Variants in RNF19A observed in about 807,000 individuals in gnomAD.
RNF19A encodes the protein ring finger protein 19A, RBR E3 ubiquitin protein ligase.
RNF19A carries 32 observed loss-of-function variants against 75.7 expected under a neutral mutation model. The observed-to-expected ratio is 0.42, with a 90% CI of 0.32 to 0.57. RNF19A has a LOEUF of 0.57. Among genes scored for constraint, RNF19A ranks in the 20% least tolerant of loss-of-function variants. The probability of loss-of-function intolerance (pLI) is 0.10; values close to 1 mark genes in which losing one functional copy is unlikely to be tolerated. For missense variants in RNF19A, 782 were observed against 1,036.3 expected (o/e 0.75, Z 3.37); for synonymous variants, 335 against 345.2 (o/e 0.97, Z 0.33).
intron 1 of RNF19A, among the ~76,000 whole-genome samples, chr8:100,289,414 A>T (rs183673710): frequency 1.6e-4 from 24 of 152,370 alleles, no homozygotes; most frequent in Admixed American, 1.1e-3. Flanking sequence ...GACTTTTGCC[A>T]CATATAACTA....
In RNF19A at chr8:100,333,404, G is replaced by A. The variant is rs557890054; in HGVS notation, c.-243+2704C>T. ...ATCACAGTGCATCTATACCAAGGAAGTTCACATAGCTACAAAAACAAAGCT... is the reference window on the plus strand; with the variant it reads ...ATCACAGTGCATCTATACCAAGGAAATTCACATAGCTACAAAAACAAAGCT... On this transcript the variant is annotated intron_variant, in intron 1 of 3. Transcript: ENST00000519527. This position sits in a 1 kb window ranked among gnomAD's most constrained non-coding sequence, Gnocchi z 4.7. Among the ~76,000 whole-genome samples the A allele has an allele frequency of 8.7e-4, 133 of 152,306 alleles. No individual in the cohort carries two copies. Among genetic ancestry groups the A allele is most frequent in the African/African-American group, 3.2e-3 (131 of 41,564 alleles).
chr8:100,317,154 G>T lies in RNF19A; in HGVS notation c.-242-3782C>A, dbSNP rs960943173. On this transcript the variant is annotated intron_variant, in intron 1 of 3. Transcript: ENST00000519527. The surrounding 1 kb of genome is among the most constrained non-coding windows in gnomAD (Gnocchi z 4.3). ...CGCACGCAGCCCAGCCCGGGTTCCCGCTCGCGCCTCTCCCTCCGCACCTCC... is the reference window on the plus strand; with the variant it reads ...CGCACGCAGCCCAGCCCGGGTTCCCTCTCGCGCCTCTCCCTCCGCACCTCC... 1.3e-5 allele frequency among the ~76,000 whole-genome samples: 2 copies of T among 152,174 alleles called. No individual in the cohort carries two copies. The highest frequency in any genetic ancestry group is 2.9e-5 in the Non-Finnish European group (2 of 68,026).
upstream of RNF19A, chr8:100,310,306 G>T: frequency 1.1e-6 from 1 of 948,252 alleles, no homozygotes; most frequent in Non-Finnish European, 1.3e-6. Context: ...GCTGCACCCG[G>T]GTGGCCCCGA....
rs534410625 is a variant in RNF19A at position 100,315,370 on chromosome 8, G to T, written c.-242-1998C>A. 3.7e-4 allele frequency among the ~76,000 whole-genome samples: 56 copies of T among 152,272 alleles called. No individual in the cohort carries two copies. In the South Asian group the frequency reaches 0.012, roughly 32 times the overall value. ...TGCTTCAGGACATCAAAGGCAAGAAGCTTGGCCTTATGTTTGTTTCACTGG... is the reference window on the plus strand; with the variant it reads ...TGCTTCAGGACATCAAAGGCAAGAATCTTGGCCTTATGTTTGTTTCACTGG... On this transcript the variant is annotated intron_variant, in intron 1 of 3. Coordinates refer to the RNF19A transcript ENST00000519527.
chr8:100,328,478 CTTTTTTT>C (rs763012920), intron 1 of RNF19A, among the ~76,000 whole-genome samples: 3 of 145,636 alleles, frequency 2.1e-5, no homozygotes, highest in Admixed American at 1.4e-4. Flanking sequence ...TGTTTGTTTG[CTTTTTTT>C]TTTTGAGACA....
intron 1 of RNF19A, among the ~76,000 whole-genome samples, chr8:100,297,263 T>G (rs975036523): frequency 6.6e-6 from 1 of 152,218 alleles, no homozygotes; most frequent in African/African-American, 2.4e-5. Context: ...TTTCAATTAC[T>G]TCAATGTGTC....
At chr8:100,274,749 A>G (rs1489101949) in intron 3 of RNF19A, among the ~76,000 whole-genome samples, 1 of 152,154 alleles carries the variant, frequency 6.6e-6, no homozygotes, top group Non-Finnish European at 1.5e-5. Flanking sequence ...TCATCACAAC[A>G]CTTCCTTTTT....
chr8:100,302,389 G>T (rs376994568), intron 1 of RNF19A, among the ~76,000 whole-genome samples: 1 of 152,132 alleles, frequency 6.6e-6, no homozygotes, highest in Non-Finnish European at 1.5e-5. Flanking sequence ...TAATCAGAAG[G>T]CTGAAACTGC....
chr8:100,295,341 A>G (rs934601368), intron 1 of RNF19A, among the ~76,000 whole-genome samples: 1 of 152,196 alleles, frequency 6.6e-6, no homozygotes, highest in Admixed American at 6.5e-5. Flanking sequence ...CGTAGTTACA[A>G]TGGTTTTCTA....
In RNF19A at chr8:100,259,685, A is replaced by C. The variant is rs903977539; in HGVS notation, c.1826+169T>G. On this transcript the variant is annotated intron_variant, in intron 9 of 9. Transcript: ENST00000341084. The surrounding 1 kb of genome is among the most constrained non-coding windows in gnomAD (Gnocchi z 4.5). ...CTTTCCCAGCCCTTGACAACCACAA[A>C]TCCACTTTATGATCTATACAGATTT... Among the ~76,000 whole-genome samples the C allele has an allele frequency of 6.6e-6, 1 of 152,158 alleles. No homozygotes were observed. The highest frequency in any genetic ancestry group is 1.5e-5 in the Non-Finnish European group (1 of 68,028).
chr8:100,275,168 A>G lies in RNF19A; in HGVS notation c.675-7T>C. 2 of 1,611,998 alleles carry G rather than the reference A, an allele frequency of 1.2e-6. No homozygotes were observed. Among genetic ancestry groups the G allele is most frequent in the South Asian group, 2.2e-5 (2 of 90,892 alleles). On this transcript the variant is annotated splice_region_variant and splice_polypyrimidine_tract_variant and intron_variant, in intron 2 of 9. Coordinates refer to ENST00000341084, the MANE Select transcript of RNF19A (RefSeq NM_183419.4). The surrounding 1 kb of genome is among the most constrained non-coding windows in gnomAD (Gnocchi z 4.3). ...AAATGCTATCACAGCATATCTTGAA[A>G]GAACAAGAAAAATGATTTAAAATGT...
At chr8:100,319,839 C>CTT (rs1208148347) in intron 1 of RNF19A, among the ~76,000 whole-genome samples, 2 of 134,192 alleles carry the variant, frequency 1.5e-5, no homozygotes, top group South Asian at 2.4e-4. Flanking sequence ...CTTTTTTTTT[C>CTT]TTTTTTTTTT....
chr8:100,259,921 C>T lies in RNF19A; in HGVS notation c.1759G>A (p.Val587Ile), dbSNP rs144998225. ...GCTTTGGTGCTGGCATTATCACTAA[C>T]TGTTCCCAAGCTGACTGTGCCAGAT... ...GESGTVSLGTVSDNASTKAMA... is the reference protein window; with the variant it reads ...GESGTVSLGTISDNASTKAMA... Residue 587 changes from valine (V) to isoleucine (I), a missense_variant, in exon 9 of 10, where the codon GTT becomes ATT. Around this residue, in one of 7 missense-constraint regions of RNF19A, gnomAD observed 442 missense variants for 541.6 expected, o/e 0.82. Coordinates refer to ENST00000341084, the MANE Select transcript of RNF19A (RefSeq NM_183419.4). The surrounding 1 kb of genome is among the most constrained non-coding windows in gnomAD (Gnocchi z 4.5). The T allele has an allele frequency of 6.2e-7, 1 of 1,613,836 alleles. No homozygotes were observed. The highest frequency in any genetic ancestry group is 8.5e-7 in the Non-Finnish European group (1 of 1,179,850).
intron 1 of RNF19A, among the ~76,000 whole-genome samples, chr8:100,292,489 CTATA>C (rs1302104724): frequency 3.3e-5 from 5 of 150,084 alleles, no homozygotes; most frequent in African/African-American, 1.2e-4. Context: ...TTGTATTTGA[CTATA>C]TGGCAATTTT....
intron 1 of RNF19A, among the ~76,000 whole-genome samples, chr8:100,293,190 C>T (rs966117288): frequency 2.6e-5 from 4 of 152,204 alleles, no homozygotes; most frequent in Non-Finnish European, 4.4e-5. Flanking sequence ...CACTGTGGCC[C>T]AAGGGTTGGG....
intron 1 of RNF19A, among the ~76,000 whole-genome samples, chr8:100,320,012 T>G (rs891018477): frequency 4.7e-5 from 7 of 149,582 alleles, no homozygotes; most frequent in Middle Eastern, 7.1e-3. Context: ...ATTTTTGTAT[T>G]TTTAGTAGAG....
intron 1 of RNF19A, among the ~76,000 whole-genome samples, chr8:100,293,903 T>C (rs781488684): frequency 6.6e-6 from 1 of 152,228 alleles, no homozygotes; most frequent in African/African-American, 2.4e-5. Context: ...CAGTGAAATT[T>C]TCATTTTAGA....
rs1297130776 is a variant in RNF19A at position 100,314,973 on chromosome 8, C to G, written c.-242-1601G>C. The stretch of plus-strand genomic sequence containing the variant: ...ACCAATATGGTAAAGTATCGTCCCT[C>G]CCCTTGAGCAGCTTGTAAACTTGCC... On this transcript the variant is annotated intron_variant, in intron 1 of 3. Transcript: ENST00000519527. This position sits in a 1 kb window ranked among gnomAD's most constrained non-coding sequence, Gnocchi z 4.1. Among the ~76,000 whole-genome samples, 1 of 152,206 alleles carries G rather than the reference C, an allele frequency of 6.6e-6. No individual in the cohort carries two copies. The highest frequency in any genetic ancestry group is 2.4e-5 in the African/African-American group (1 of 41,450).
intron 1 of RNF19A, among the ~76,000 whole-genome samples, chr8:100,309,022 G>T (rs1038551597): frequency 2.0e-5 from 3 of 152,074 alleles, no homozygotes; most frequent in African/African-American, 7.2e-5. Flanking sequence ...TGCCCTTGTC[G>T]CGGGGTTAAT....
Sources: gnomAD v4.1 joint callset for allele counts (sites outside exome capture counted in the v4.1 genomes callset) on GRCh38, gnomAD v4.1.1 for gene constraint, gnomAD v4.1.1 regional missense constraint, Gnocchi (gnomAD v3.1) non-coding constraint, MANE v1.5 for transcripts, NCBI Gene and HGNC (gene_info 2026-07-23, HGNC 2026-07-21) for gene names.